Variants in ASPM observed in about 807,000 individuals in gnomAD.
The protein encoded by ASPM is abnormal spindle-like microcephaly-associated protein.
A neutral mutation model predicts 366.4 loss-of-function variants in ASPM; 256 were observed. The ratio of observed to expected loss-of-function variants is 0.70; its 90% CI spans 0.63 to 0.77. The LOEUF is 0.77. Ranked by LOEUF, ASPM falls within the 30% of genes least tolerant of loss-of-function variation. The probability of loss-of-function intolerance (pLI) is 0.00; values close to 1 mark genes in which losing one functional copy is unlikely to be tolerated. For missense variants in ASPM, 4,146 were observed against 4,090.4 expected, an observed-to-expected ratio of 1.01 and a Z score of -0.37; for synonymous variants, 1,414 against 1,342.9, an observed-to-expected ratio of 1.05 and a Z score of -1.16.
intron 10 of ASPM, among the ~76,000 whole-genome samples, chr1:197,128,025 C>T (rs1039380959): frequency 2.7e-4 from 41 of 151,812 alleles, no homozygotes; most frequent in Non-Finnish European, 5.3e-4. Flanking sequence ...ATTAGCTGGG[C>T]GTGGTGGTGG....
chr1:197,146,514 C>T lies in ASPM; in HGVS notation c.-77G>A. 2.0e-6 allele frequency: 3 copies of T among 1,526,154 alleles called. No individual in the cohort carries two copies. The highest frequency in any genetic ancestry group is 2.7e-6 in the Non-Finnish European group (3 of 1,121,860). The allele number at this position is 1,526,154 out of a possible 1,614,324, so 94.5% of individuals were successfully genotyped here. A position where few individuals can be genotyped will look rare whatever the true frequency, so the allele number is the denominator to read the frequency against. Reference sequence around the variant, plus strand: ...CTCCGGAGCGGGGATCCGGGACTTACGCTGACCGCTTCCCCTCAGGGGCGG... The same window carrying T: ...CTCCGGAGCGGGGATCCGGGACTTATGCTGACCGCTTCCCCTCAGGGGCGG... On this transcript the variant is annotated 5_prime_UTR_variant, in exon 1 of 28. Transcript: ENST00000367409.
At position 197,102,707 on chromosome 1, in the gene ASPM, C is replaced by T. The variant is rs1657238192; in HGVS notation, c.6544G>A (p.Val2182Ile). The T allele has an allele frequency of 3.7e-6, 6 of 1,612,568 alleles. No individual in the cohort carries two copies. Among genetic ancestry groups the T allele is most frequent in the African/African-American group, 2.7e-5 (2 of 74,804 alleles). Reference sequence around the variant, plus strand: ...TGCATCTTTCTAAGAGTCCGTCTAACTCTTACTCCTCTAAAACTTGCCTGA... The same window carrying T: ...TGCATCTTTCTAAGAGTCCGTCTAATTCTTACTCCTCTAAAACTTGCCTGA... ...VLQASFRGVR[V>I]RRTLRKMQTA... Residue 2182 changes from valine to isoleucine, a missense_variant, in exon 18 of 28, where the codon GTT (valine) becomes ATT (isoleucine). Coordinates refer to ENST00000367409, the MANE Select transcript of ASPM (RefSeq NM_018136.5).
chr1:197,101,380 T>C lies in ASPM; in HGVS notation c.7871A>G (p.Gln2624Arg), dbSNP rs375399737. The C allele has an allele frequency of 1.8e-5, 29 of 1,609,292 alleles. No individual in the cohort carries two copies. The highest frequency in any genetic ancestry group is 2.3e-5 in the Non-Finnish European group (27 of 1,179,008). The change falls in exon 18 of 28, where the codon CAG becomes CGG. Residue 2624 changes from glutamine (Q) to arginine (R), a missense_variant. Coordinates refer to ENST00000367409, the MANE Select transcript of ASPM (RefSeq NM_018136.5). The part of the protein sequence containing the change: ...DMNIKKQIQE[Q>R]HQAAIIIQKH... ...CTGAATAATAATGGCAGCCTGGTGCTGTTCCTGAATCTGTTTTTTTATGTT... is the reference window on the plus strand; with the variant it reads ...CTGAATAATAATGGCAGCCTGGTGCCGTTCCTGAATCTGTTTTTTTATGTT...
chr1:197,104,634 A>G lies in ASPM; in HGVS notation c.4617T>C (p.Ala1539=), dbSNP rs1248385271. ...AAGCAGCTTGTAATTGAATGGCTGC[A>G]GCTCGTTTCTGCAAATAGTTGGTGC... is the stretch of plus-strand genomic sequence containing the variant. ...IERTNYLQKR[A]AAIQLQAAFR... is the part of the protein sequence containing the mutation. Residue 1539 remains alanine, a synonymous_variant, in exon 18 of 28, where the codon GCT becomes GCC. Transcript: ENST00000367409. 2 of 1,613,122 alleles carry G rather than the reference A, an allele frequency of 1.2e-6. No homozygotes were observed. The highest frequency in any genetic ancestry group is 1.7e-6 in the Non-Finnish European group (2 of 1,179,460).
chr1:197,140,986 C>A (rs575690178), intron 3 of ASPM, among the ~76,000 whole-genome samples: 1 of 152,170 alleles, frequency 6.6e-6, no homozygotes, highest in Admixed American at 6.5e-5. Context: ...ATACAAATTG[C>A]AGTAGCAAAT....
chr1:197,144,430 T>C (rs1181659396), intron 1 of ASPM, among the ~76,000 whole-genome samples: 1 of 152,190 alleles, frequency 6.6e-6, no homozygotes, highest in Non-Finnish European at 1.5e-5. Context: ...GTAGAGTACT[T>C]CTACTTCAAA....
chr1:197,117,885 C>G lies in ASPM; in HGVS notation c.3969G>C (p.Gln1323His). Residue 1323 changes from glutamine (Q) to histidine (H), a missense_variant, in exon 17 of 28, where the codon CAG (glutamine) becomes CAC (histidine). This residue lies in a region of ASPM where 3,624 missense variants were observed against 3,591.7 expected (regional missense o/e 1.01). Transcript: ENST00000367409. ...GTGCTAAGACTCTTCGCCAATATTTCTGAATGACGAGTGCTGCATTAACTC... is the reference window on the plus strand; with the variant it reads ...GTGCTAAGACTCTTCGCCAATATTTGTGAATGACGAGTGCTGCATTAACTC... ...RKRVNAALVI[Q>H]KYWRRVLAQR... The G allele has an allele frequency of 6.2e-7, 1 of 1,613,452 alleles. No homozygotes were observed. Among genetic ancestry groups the G allele is most frequent in the Non-Finnish European group, 8.5e-7 (1 of 1,179,526 alleles).
chr1:197,107,064 C>T (rs10801589), intron 17 of ASPM, among the ~76,000 whole-genome samples: 67,110 of 151,814 alleles, frequency 0.44, 16,584 homozygotes, highest in East Asian at 0.82. Context: ...AGCAGTGTAA[C>T]TCAATCTTCA....
rs180761640 is a variant in ASPM, at chr1:197,128,355, A to C, written c.2936+135T>G. On this transcript the variant is annotated intron_variant, in intron 10 of 27. Coordinates refer to ENST00000367409, the MANE Select transcript of ASPM (RefSeq NM_018136.5). ...GTACCACTTCCCTGAAAAAAAAAAA[A>C]AAACCTCAATTTTTTTCAGTACTAA... 648 of 945,384 alleles carry C rather than the reference A, an allele frequency of 6.9e-4. 4 individuals carry two copies. In the East Asian group the frequency reaches 0.016, roughly 24 times the overall value. The allele number at this position is 945,384 out of a possible 1,614,324, so 58.6% of individuals were successfully genotyped here.
In ASPM at chr1:197,124,952, T is replaced by A; in HGVS notation, c.3086A>T (p.Asn1029Ile). The change falls in exon 12 of 28, where the codon AAT (asparagine) becomes ATT (isoleucine). Residue 1029 changes from asparagine to isoleucine, a missense_variant. Around this residue, in one of 3 missense-constraint regions of ASPM, gnomAD observed 3,624 missense variants for 3,591.7 expected, o/e 1.01. Transcript: ENST00000367409. ...RGIELSDEHG[N>I]TILSKDIVDR... The stretch of plus-strand genomic sequence containing the variant: ...CACAATATCCTTAGATAGAATTGTA[T>A]TTCCTATAAAAGAAAAGGTTGTCCA... The A allele has an allele frequency of 6.2e-7, 1 of 1,610,774 alleles. No homozygotes were observed. Among genetic ancestry groups the A allele is most frequent in the Non-Finnish European group, 8.5e-7 (1 of 1,176,938 alleles).
intron 13 of ASPM, among the ~76,000 whole-genome samples, chr1:197,123,432 T>C (rs1557956236): frequency 6.6e-6 from 1 of 152,266 alleles, no homozygotes; most frequent in Admixed American, 6.5e-5. Flanking sequence ...TTTTAGCTAG[T>C]ATGCAAATTC....
intron 1 of ASPM, among the ~76,000 whole-genome samples, chr1:197,144,443 C>T (rs6656858): frequency 0.78 from 119,386 of 152,118 alleles, 50,059 homozygotes; most frequent in East Asian, 1. Flanking sequence ...ACTTCAAACA[C>T]AAGGACCCTG....
chr1:197,125,213 G>C (rs1471041896), intron 10 of ASPM, 22 bp from the exon 11 acceptor site: 1 of 1,613,258 alleles, frequency 6.2e-7, no homozygotes, highest in African/African-American at 1.3e-5. Context: ...AAAATGTTCA[G>C]ATGAAATTAT....
In ASPM at chr1:197,132,353, C is replaced by T; in HGVS notation, c.2420-1G>A. ...CAATTCAGGACTTTCTGACGTTCTC[C>T]TGAAATGCATGTCAAAGGCAAATAA... On this transcript the variant is annotated splice_acceptor_variant, in intron 6 of 27. Transcript: ENST00000367409. LOFTEE classifies it high-confidence loss of function. 1 of 1,612,914 alleles carries T rather than the reference C, an allele frequency of 6.2e-7. No homozygotes were observed. Among genetic ancestry groups the T allele is most frequent in the Non-Finnish European group, 8.5e-7 (1 of 1,179,318 alleles).
intron 4 of ASPM, among the ~76,000 whole-genome samples, chr1:197,136,627 C>T (rs1184137023): frequency 3.3e-5 from 5 of 151,792 alleles, no homozygotes; most frequent in Non-Finnish European, 4.4e-5. Context: ...ACAAAATATA[C>T]ATAGAATATA....
chr1:197,097,770 C>A (rs1657024774), intron 18 of ASPM, among the ~76,000 whole-genome samples: 1 of 151,644 alleles, frequency 6.6e-6, no homozygotes, highest in Non-Finnish European at 1.5e-5. Flanking sequence ...GGTAACACTG[C>A]ATCATAAAAC....
Position 197,146,651 on chromosome 1 carries a change from A to G in ASPM, c.-214T>C, listed in dbSNP as rs886045781. ...GCAAATTAAAAAGAGGAGCCAAACAAGTATGGCGTTTTGACTCTGTTTAAA... is the reference window on the plus strand; with the variant it reads ...GCAAATTAAAAAGAGGAGCCAAACAGGTATGGCGTTTTGACTCTGTTTAAA... On this transcript the variant is annotated 5_prime_UTR_variant, in exon 1 of 28. Coordinates refer to ENST00000367409, the MANE Select transcript of ASPM (RefSeq NM_018136.5). The G allele has an allele frequency of 1.1e-5, 7 of 611,832 alleles. No individual in the cohort carries two copies. In the Admixed American group the frequency reaches 1.2e-4, roughly 10 times the overall value. The allele number at this position is 611,832 out of a possible 1,614,324, so 37.9% of individuals were successfully genotyped here.
Position 197,128,534 on chromosome 1 carries a change from G to A in ASPM, c.2892C>T (p.Ala964=), listed in dbSNP as rs376713997. ...GCAAGTCTACGGCAAGATTTGTAAC[G>A]GCAAAATCAAATTCATCAAATGGTG... ...VQTPFDEFDF[A]VTNLAVDLQC... The change falls in exon 10 of 28, where the codon GCC becomes GCT. Residue 964 remains alanine (A), a synonymous_variant. Coordinates refer to ENST00000367409, the MANE Select transcript of ASPM (RefSeq NM_018136.5). 2.3e-5 allele frequency: 37 copies of A among 1,613,584 alleles called. No homozygotes were observed. The highest frequency in any genetic ancestry group is 9.4e-5 in the African/African-American group (7 of 74,858).
Position 197,146,273 on chromosome 1 carries a change from A to G in ASPM, c.165T>C (p.Val55=). 6.2e-7 allele frequency: 1 copy of G among 1,614,022 alleles called. No homozygotes were observed. The highest frequency in any genetic ancestry group is 8.5e-7 in the Non-Finnish European group (1 of 1,179,986). ...CRSPFLCFGD[V]LLGASRTLSL... The stretch of plus-strand genomic sequence containing the variant: ...ACAGCGTCCGTGAGGCTCCCAGGAG[A>G]ACGTCCCCGAAGCAAAGGAAAGGAG... The change falls in exon 1 of 28, where the codon GTT becomes GTC. Residue 55 remains valine (V), a synonymous_variant. Transcript: ENST00000367409.
Sources: allele counts gnomAD v4.1 joint callset (sites outside exome capture counted in the v4.1 genomes callset), GRCh38; gene constraint gnomAD v4.1.1; regional missense constraint gnomAD v4.1.1; transcripts MANE v1.5; gene names NCBI Gene and HGNC (gene_info 2026-07-23, HGNC 2026-07-21).